PHIP: variants seen among roughly 807,000 people sequenced by gnomAD.
PHIP encodes PH-interacting protein.
A neutral mutation model predicts 236.8 loss-of-function variants in PHIP; 54 were observed. That is an observed-to-expected ratio of 0.23 (90% CI 0.18 to 0.29). The LOEUF is 0.29. Ranked by LOEUF, PHIP falls within the 10% of genes least tolerant of loss-of-function variation. PHIP has a pLI of 1.00. For synonymous variants in PHIP, 756 were observed against 718.9 expected (o/e 1.05, Z -0.83); for missense variants, 1,370 against 2,190.8 (o/e 0.63, Z 7.48).
intron 6 of PHIP, among the ~76,000 whole-genome samples, chr6:79,058,584 T>A (rs1402584906): frequency 6.6e-6 from 1 of 152,132 alleles, no homozygotes; most frequent in African/African-American, 2.4e-5. Context: ...TCTCACTGCA[T>A]GTGTGAACTT....
intron 15 of PHIP, among the ~76,000 whole-genome samples, chr6:79,007,580 A>G (rs1023881274): frequency 1.3e-5 from 2 of 151,654 alleles, no homozygotes; most frequent in Non-Finnish European, 2.9e-5. Flanking sequence ...GTTAAAAAAT[A>G]TGGGCTATCT....
Position 78,946,008 on chromosome 6 carries a change from C to A in PHIP, c.4623G>T (p.Gly1541=). 1 of 1,603,330 alleles carries A rather than the reference C, an allele frequency of 6.2e-7. No individual in the cohort carries two copies. Among genetic ancestry groups the A allele is most frequent in the Non-Finnish European group, 8.5e-7 (1 of 1,170,748 alleles). ...TTAGAAAGTGAGTCTTACTTGTTTT[C>A]CCTGGTATTGCAGATGCATTAGCTT... ...ITKANASAIP[G]KTILENSVKH... The change falls in exon 38 of 40, where the codon GGG becomes GGT. Residue 1541 remains glycine (G), a synonymous_variant. Coordinates refer to ENST00000275034, the MANE Select transcript of PHIP (RefSeq NM_017934.7).
Position 78,991,114 on chromosome 6 carries a change from G to T in PHIP, c.2202-129C>A, listed in dbSNP as rs929072707. 29 of 621,540 alleles carry T rather than the reference G, an allele frequency of 4.7e-5. 1 individual carries two copies. Among genetic ancestry groups the T allele is most frequent in the Middle Eastern group, 3.0e-4 (1 of 3,290 alleles). 38.5% of individuals were successfully genotyped at this position (621,540 alleles called of 1,614,324 possible). ...TTTTAAGATGGAAGCATGTGATAAA[G>T]ATTTCTAAGTTTAATTTCATAGGTT... is the stretch of plus-strand genomic sequence containing the variant. On this transcript the variant is annotated intron_variant, in intron 19 of 39. Coordinates refer to ENST00000275034, the MANE Select transcript of PHIP (RefSeq NM_017934.7).
intron 16 of PHIP, 102 bp from the exon 17 acceptor site, chr6:79,002,226 AAT>A: frequency 1.4e-6 from 1 of 701,508 alleles, no homozygotes; most frequent in Non-Finnish European, 2.4e-6. Flanking sequence ...CCTGAATACG[AAT>A]AATGGTATTA....
intron 30 of PHIP, 26 bp downstream of exon 30, chr6:78,963,071 C>A: frequency 6.5e-7 from 1 of 1,539,102 alleles, no homozygotes; most frequent in Non-Finnish European, 8.7e-7. Context: ...CCAGTTTTTT[C>A]TATACTCGCG....
intron 7 of PHIP, among the ~76,000 whole-genome samples, chr6:79,031,891 A>G (rs1771687928): frequency 6.6e-6 from 1 of 152,212 alleles, no homozygotes; most frequent in African/African-American, 2.4e-5. Context: ...AAACTTCAAC[A>G]TTCTTCAAAA....
chr6:79,057,757 C>T (rs537524916), intron 6 of PHIP, among the ~76,000 whole-genome samples: 101 of 152,134 alleles, frequency 6.6e-4, no homozygotes, highest in African/African-American at 2.4e-3. Flanking sequence ...GTACTACAAA[C>T]ATTCATATAT....
chr6:79,017,723 A>G (rs1770901919), intron 10 of PHIP, 140 bp from the exon 11 acceptor site: 2 of 589,398 alleles, frequency 3.4e-6, no homozygotes, highest in African/African-American at 3.8e-5. Flanking sequence ...TATCCTAAAT[A>G]TATAACACAT....
At chr6:78,970,667 A>G (rs1171141050) in intron 25 of PHIP, 114 bp downstream of exon 25, 2 of 668,822 alleles carry the variant, frequency 3.0e-6, no homozygotes, top group Non-Finnish European at 5.1e-6. Context: ...TCAATTAAAC[A>G]AGGTATCTTC....
chr6:79,027,797 C>T (rs1234912019), intron 7 of PHIP, among the ~76,000 whole-genome samples: 2 of 152,140 alleles, frequency 1.3e-5, no homozygotes, highest in East Asian at 3.9e-4. Context: ...TAGAGTCTCA[C>T]GCAAGAAGAG....
chr6:79,077,918 G>A lies in PHIP; in HGVS notation c.41-5C>T. 6.3e-7 allele frequency: 1 copy of A among 1,594,604 alleles called. No individual in the cohort carries two copies. Reference sequence around the variant, plus strand: ...GGGCGATGAGGAAGTAGAGCTCTGCGCGGGAGAGAGGGACGGGGAGACACA... The same window carrying A: ...GGGCGATGAGGAAGTAGAGCTCTGCACGGGAGAGAGGGACGGGGAGACACA... On this transcript the variant is annotated splice_polypyrimidine_tract_variant and splice_region_variant and intron_variant, in intron 1 of 39. Transcript: ENST00000275034.
chr6:79,053,150 C>T lies in PHIP; in HGVS notation c.439+7328G>A, dbSNP rs1368827536. 2.6e-5 allele frequency among the ~76,000 whole-genome samples: 4 copies of T among 151,976 alleles called. No individual in the cohort carries two copies. The East Asian group carries it at 5.8e-4, about 22-fold the overall frequency. ...CCAACATGGTGAAACCCCGTCTCTA[C>T]TAAAAATACAAAAATTAGCCGGGTG... On this transcript the variant is annotated intron_variant, in intron 6 of 39. Transcript: ENST00000275034.
At chr6:79,044,483 G>A (rs917844728) in intron 6 of PHIP, among the ~76,000 whole-genome samples, 29 of 152,198 alleles carry the variant, frequency 1.9e-4, no homozygotes, top group African/African-American at 5.8e-4. Context: ...CTTATTTAAT[G>A]CAAGAATCAC....
At chr6:79,015,879 A>G (rs957837577) in intron 13 of PHIP, 96 bp from the exon 14 acceptor site, 2 of 733,090 alleles carry the variant, frequency 2.7e-6, no homozygotes, top group South Asian at 2.1e-5. Flanking sequence ...ATTCACTAAC[A>G]TAATAACTAT....
chr6:78,969,083 G>A lies in PHIP; in HGVS notation c.3205+752C>T, dbSNP rs576451061. ...TGAAACACATCTTTCAAAACTTCTA[G>A]GGAAATGGAACATGAGATGTAAATT... On this transcript the variant is annotated intron_variant, in intron 27 of 39. Transcript: ENST00000275034. 6.6e-5 allele frequency among the ~76,000 whole-genome samples: 10 copies of A among 152,274 alleles called. No homozygotes were observed. The East Asian group carries it at 1.7e-3, about 26-fold the overall frequency.
chr6:78,989,605 C>T (rs1769085836), intron 20 of PHIP, among the ~76,000 whole-genome samples: 1 of 152,176 alleles, frequency 6.6e-6, no homozygotes. Flanking sequence ...TTTGCGACCA[C>T]AGACGCTAAA....
rs571604703 is a variant in PHIP, at chr6:78,948,619, C to G, written c.4054-844G>C. Among the ~76,000 whole-genome samples, 21 of 152,178 alleles carry G rather than the reference C, an allele frequency of 1.4e-4. No homozygotes were observed. The East Asian group carries it at 4.1e-3, about 29-fold the overall frequency. The stretch of plus-strand genomic sequence containing the variant: ...AAGCAACCTTCCCACCTCAGCCTCT[C>G]AAGTAGCGGGGACTACAGGCAGGCG... On this transcript the variant is annotated intron_variant, in intron 35 of 39. Transcript: ENST00000275034.
intron 19 of PHIP, among the ~76,000 whole-genome samples, chr6:78,992,348 A>G (rs779858980): frequency 1.1e-4 from 16 of 152,138 alleles, no homozygotes; most frequent in Non-Finnish European, 1.5e-4. Flanking sequence ...ACAACATCAG[A>G]AGGAGGATGC....
In PHIP at chr6:78,972,837, T is replaced by C. The variant is rs570091317; in HGVS notation, c.2890-1949A>G. Among the ~76,000 whole-genome samples the C allele has an allele frequency of 7.9e-5, 12 of 151,836 alleles. No individual in the cohort carries two copies. In the East Asian group the frequency reaches 2.3e-3, roughly 29 times the overall value. ...AAGGGAAGTTTAGAGAAAAAAACAA[T>C]AAAAAGAAATGAGCAAAGCCTCCAA... On this transcript the variant is annotated intron_variant, in intron 24 of 39. Coordinates refer to ENST00000275034, the MANE Select transcript of PHIP (RefSeq NM_017934.7).
Sources: gnomAD v4.1 joint callset for allele counts (sites outside exome capture counted in the v4.1 genomes callset) on GRCh38, gnomAD v4.1.1 for gene constraint, MANE v1.5 for transcripts, NCBI Gene and HGNC (gene_info 2026-07-23, HGNC 2026-07-21) for gene names.